FMNL2: variants seen among roughly 807,000 people sequenced by gnomAD.
The protein encoded by FMNL2 is formin-like protein 2.
A neutral mutation model predicts 130.2 loss-of-function variants in FMNL2; 51 were observed. The observed-to-expected ratio is 0.39, with a 90% CI of 0.31 to 0.49. The LOEUF is 0.49. Ranked by LOEUF, FMNL2 falls within the 20% of genes least tolerant of loss-of-function variation. FMNL2 has a pLI of 0.85. For synonymous variants in FMNL2, 465 were observed against 467.1 expected (o/e 1.00, Z 0.06); for missense variants, 977 against 1,316.2 (o/e 0.74, Z 3.99).
chr2:152,618,264 C>T (rs899282068), intron 13 of FMNL2, among the ~76,000 whole-genome samples: 1 of 152,044 alleles, frequency 6.6e-6, no homozygotes, highest in South Asian at 2.1e-4. Context: ...TTTTGTTAAC[C>T]GCATTACCGA....
chr2:152,525,796 C>G (rs1039131554), intron 2 of FMNL2, among the ~76,000 whole-genome samples: 4 of 152,174 alleles, frequency 2.6e-5, no homozygotes, highest in African/African-American at 9.7e-5. Context: ...TGCTGCCACT[C>G]AGCCGGAGCA....
intron 21 of FMNL2, 65 bp from the exon 22 acceptor site, chr2:152,636,362 G>C: frequency 6.6e-7 from 1 of 1,522,636 alleles, no homozygotes; most frequent in Non-Finnish European, 8.9e-7. Context: ...TGGCCCAGCA[G>C]CCAGATTCGC....
intron 1 of FMNL2, among the ~76,000 whole-genome samples, chr2:152,490,568 A>AGTGTGT (rs1208283542): frequency 3.1e-4 from 11 of 35,368 alleles, no homozygotes; most frequent in Non-Finnish European, 4.9e-4. Flanking sequence ...TTTGCTATCC[A>AGTGTGT]ATGTGTGTGT....
chr2:152,401,483 G>A (rs2105963707), intron 1 of FMNL2, among the ~76,000 whole-genome samples: 1 of 152,308 alleles, frequency 6.6e-6, no homozygotes, highest in South Asian at 2.1e-4. Flanking sequence ...TGTCATTTAT[G>A]CTTGAAGAAT....
At chr2:152,345,277 A>G (rs1405159562) in intron 1 of FMNL2, among the ~76,000 whole-genome samples, 1 of 152,218 alleles carries the variant, frequency 6.6e-6, no homozygotes, top group African/African-American at 2.4e-5. Context: ...AAGGTAAAGA[A>G]GATGACAATT....
chr2:152,446,010 A>T (rs895362513), intron 1 of FMNL2, among the ~76,000 whole-genome samples: 2 of 152,202 alleles, frequency 1.3e-5, no homozygotes, highest in Non-Finnish European at 2.9e-5. Context: ...TACTGGGGAA[A>T]TTCCAGCCTT....
chr2:152,432,915 G>A (rs925439081), intron 1 of FMNL2, among the ~76,000 whole-genome samples: 4 of 152,194 alleles, frequency 2.6e-5, no homozygotes, highest in African/African-American at 7.2e-5. Flanking sequence ...CTGAGAGCTG[G>A]CTTCAAAAGA....
chr2:152,335,995 A>T lies in FMNL2; in HGVS notation c.117+275A>T, dbSNP rs1007306577. ...CATTGTCTGGCTGGAGAGGCACCTCACGGCGCGTGTGCCCGGGAGGTGCGG... is the reference window on the plus strand; with the variant it reads ...CATTGTCTGGCTGGAGAGGCACCTCTCGGCGCGTGTGCCCGGGAGGTGCGG... On this transcript the variant is annotated intron_variant, in intron 1 of 25. Transcript: ENST00000288670. 2.6e-5 allele frequency among the ~76,000 whole-genome samples: 4 copies of T among 151,394 alleles called. 1 individual carries two copies. Among genetic ancestry groups the T allele is most frequent in the African/African-American group, 9.7e-5 (4 of 41,270 alleles).
intron 1 of FMNL2, among the ~76,000 whole-genome samples, chr2:152,381,137 T>G (rs1418456247): frequency 6.6e-6 from 1 of 152,210 alleles, no homozygotes; most frequent in Non-Finnish European, 1.5e-5. Flanking sequence ...ACAACATATT[T>G]GTTATCAGAG....
chr2:152,356,832 A>G (rs1263092527), intron 1 of FMNL2, among the ~76,000 whole-genome samples: 1 of 151,666 alleles, frequency 6.6e-6, no homozygotes, highest in East Asian at 1.9e-4. Flanking sequence ...GAAGGCTGAG[A>G]TGTGCCTTAT....
At chr2:152,630,460 TTTG>T (rs377079850) in intron 20 of FMNL2, among the ~76,000 whole-genome samples, 5 of 152,144 alleles carry the variant, frequency 3.3e-5, no homozygotes, top group Non-Finnish European at 7.4e-5. Context: ...TTCTTAAATT[TTTG>T]TTGTTGTTGT....
At chr2:152,356,467 A>G (rs1682787506) in intron 1 of FMNL2, among the ~76,000 whole-genome samples, 1 of 152,244 alleles carries the variant, frequency 6.6e-6, no homozygotes, top group Non-Finnish European at 1.5e-5. Flanking sequence ...CATTGAATAA[A>G]TGTGCCATAA....
At chr2:152,442,626 T>C (rs1415339869) in intron 1 of FMNL2, among the ~76,000 whole-genome samples, 1 of 152,210 alleles carries the variant, frequency 6.6e-6, no homozygotes, top group African/African-American at 2.4e-5. Flanking sequence ...GCTTGAGTTA[T>C]TGTCTGTTCA....
At chr2:152,468,622 G>A (rs1689685665) in intron 1 of FMNL2, among the ~76,000 whole-genome samples, 1 of 152,030 alleles carries the variant, frequency 6.6e-6, no homozygotes, top group South Asian at 2.1e-4. Flanking sequence ...GTTACATATT[G>A]AAATGATATA....
chr2:152,454,793 T>C (rs1022608262), intron 1 of FMNL2, among the ~76,000 whole-genome samples: 1 of 152,148 alleles, frequency 6.6e-6, no homozygotes, highest in African/African-American at 2.4e-5. Context: ...GTTCATGCCA[T>C]TGATTTAATT....
chr2:152,478,250 A>C (rs10605671), intron 1 of FMNL2, among the ~76,000 whole-genome samples: 2 of 92,134 alleles, frequency 2.2e-5, no homozygotes, highest in Non-Finnish European at 3.9e-5. Context: ...ATATATATAT[A>C]TTTTTTTTTT....
At chr2:152,502,613 GGAGGCA>G (rs1691908947) in intron 1 of FMNL2, among the ~76,000 whole-genome samples, 1 of 152,184 alleles carries the variant, frequency 6.6e-6, no homozygotes, top group South Asian at 2.1e-4. Context: ...CTTGAACCTG[GGAGGCA>G]GAGATTGCAG....
At chr2:152,551,332 A>G (rs887354768) in intron 4 of FMNL2, among the ~76,000 whole-genome samples, 1 of 152,190 alleles carries the variant, frequency 6.6e-6, no homozygotes, top group Non-Finnish European at 1.5e-5. Flanking sequence ...AGGCATATTG[A>G]AAGATTCTTA....
At chr2:152,383,444 C>T (rs1002199851) in intron 1 of FMNL2, among the ~76,000 whole-genome samples, 1 of 151,436 alleles carries the variant, frequency 6.6e-6, no homozygotes, top group Non-Finnish European at 1.5e-5. Flanking sequence ...TAAAATGTTC[C>T]GTAAGAGTAA....
Sources: gnomAD v4.1 joint callset for allele counts (sites outside exome capture counted in the v4.1 genomes callset) on GRCh38, gnomAD v4.1.1 for gene constraint, MANE v1.5 for transcripts, NCBI Gene and HGNC (gene_info 2026-07-23, HGNC 2026-07-21) for gene names.